STRN3: variants seen among roughly 807,000 people sequenced by gnomAD.
STRN3 encodes striatin-3.
In STRN3, 29 loss-of-function variants were observed where a neutral mutation model predicts 95.6. The ratio of observed to expected loss-of-function variants is 0.30; its 90% CI spans 0.23 to 0.41. The LOEUF (loss-of-function observed/expected upper bound fraction) is 0.41. Among genes scored for constraint, STRN3 ranks in the 10% least tolerant of loss-of-function variants. The pLI is 1.00. For synonymous variants in STRN3, 331 were observed against 357.6 expected, an observed-to-expected ratio of 0.93 and a Z score of 0.84; for missense variants, 890 against 972.1, an observed-to-expected ratio of 0.92 and a Z score of 1.12.
At chr14:31,019,722 GA>G (rs987524736) in intron 1 of STRN3, among the ~76,000 whole-genome samples, 1 of 150,726 alleles carries the variant, frequency 6.6e-6, no homozygotes, top group African/African-American at 2.4e-5. Flanking sequence ...TACCTTTTTT[GA>G]AAAAAAACTA....
chr14:31,011,811 G>C (rs1347003838), intron 1 of STRN3, among the ~76,000 whole-genome samples: 1 of 151,812 alleles, frequency 6.6e-6, no homozygotes, highest in Admixed American at 6.6e-5. Flanking sequence ...TTGAGGCAGT[G>C]GCTAACGGAT....
chr14:30,971,432 T>C (rs1185074121), intron 1 of STRN3, among the ~76,000 whole-genome samples: 1 of 152,172 alleles, frequency 6.6e-6, no homozygotes, highest in African/African-American at 2.4e-5. Flanking sequence ...GCTGCAGGAT[T>C]TGAGTCAATA....
At position 30,955,642 on chromosome 14, in the gene STRN3, C is replaced by T; in HGVS notation, c.438G>A (p.Leu146=). The change falls in exon 3 of 18, where the codon TTG becomes TTA. Residue 146 remains leucine (L), a synonymous_variant. Coordinates refer to ENST00000357479, the MANE Select transcript of STRN3 (RefSeq NM_001083893.2). The stretch of plus-strand genomic sequence containing the variant: ...TACCTGACTCAAAGGTTGGCATTTT[C>T]AAGTCACCTTGGTTCAGTTCCGTGC... The part of the protein sequence containing the change: ...KYGTELNQGD[L]KMPTFESEET... The T allele has an allele frequency of 6.3e-7, 1 of 1,576,050 alleles. No homozygotes were observed. Among genetic ancestry groups the T allele is most frequent in the Non-Finnish European group, 8.6e-7 (1 of 1,168,350 alleles).
At chr14:30,982,305 T>TTTTTATTTATTTTTAG (rs1489488363) in intron 1 of STRN3, among the ~76,000 whole-genome samples, 3 of 151,998 alleles carry the variant, frequency 2.0e-5, no homozygotes, top group Non-Finnish European at 4.4e-5. Flanking sequence ...ATAATAGAGA[T>TTTTTATTTATTTTTAG]ACTCAATTTT....
chr14:30,923,649 A>C (rs568765776), intron 8 of STRN3, among the ~76,000 whole-genome samples: 20 of 152,186 alleles, frequency 1.3e-4, no homozygotes, highest in Non-Finnish European at 2.4e-4. Context: ...CTTTTCAAGA[A>C]AGGAAATGAA....
chr14:30,914,326 C>A (rs930651948), intron 9 of STRN3, among the ~76,000 whole-genome samples: 2 of 152,078 alleles, frequency 1.3e-5, no homozygotes, highest in Non-Finnish European at 2.9e-5. Flanking sequence ...GGTTAATCCA[C>A]GTGGTCTTCA....
chr14:30,906,734 G>A, intron 14 of STRN3, 143 bp downstream of exon 14: 4 of 912,622 alleles, frequency 4.4e-6, no homozygotes, highest in Non-Finnish European at 3.2e-6. Context: ...AAAAAAATGA[G>A]TAAAAAGTTT....
chr14:31,004,892 A>AT (rs1882645411), intron 1 of STRN3, among the ~76,000 whole-genome samples: 1 of 152,214 alleles, frequency 6.6e-6, no homozygotes, highest in African/African-American at 2.4e-5. Flanking sequence ...GGTTAAGGAC[A>AT]TGCCTGGAAG....
At chr14:30,967,413 C>G (rs1880582858) in intron 1 of STRN3, among the ~76,000 whole-genome samples, 1 of 152,164 alleles carries the variant, frequency 6.6e-6, no homozygotes, top group South Asian at 2.1e-4. Flanking sequence ...GTACCCTATT[C>G]CTTTAAGAGC....
At chr14:30,917,777 G>C (rs1043483871) in intron 9 of STRN3, among the ~76,000 whole-genome samples, 1 of 152,076 alleles carries the variant, frequency 6.6e-6, no homozygotes. Context: ...TTATTTAACT[G>C]TAAGGAAACT....
intron 8 of STRN3, among the ~76,000 whole-genome samples, chr14:30,923,333 T>G (rs975416660): frequency 6.6e-6 from 1 of 152,148 alleles, no homozygotes; most frequent in Non-Finnish European, 1.5e-5. Flanking sequence ...AAATAAAAAT[T>G]AGAAAATGAC....
At chr14:31,009,493 C>T (rs1008625452) in intron 1 of STRN3, among the ~76,000 whole-genome samples, 1 of 151,970 alleles carries the variant, frequency 6.6e-6, no homozygotes, top group Non-Finnish European at 1.5e-5. Flanking sequence ...CCCCGCGCCC[C>T]AGTTGAAAAC....
rs549713094 is a variant in STRN3 at position 30,919,834 on chromosome 14, A to C, written c.1100-728T>G. On this transcript the variant is annotated intron_variant, in intron 8 of 17. Coordinates refer to ENST00000357479, the MANE Select transcript of STRN3 (RefSeq NM_001083893.2). ...TGGATAATTCAGGCCAAAATATATA[A>C]AACTCAAAAGCTTCTGTACCATTGT... Among the ~76,000 whole-genome samples the C allele has an allele frequency of 3.3e-5, 5 of 152,286 alleles. No individual in the cohort carries two copies. The South Asian group carries it at 1.0e-3, about 32-fold the overall frequency.
chr14:30,928,025 C>T (rs1031429128), intron 8 of STRN3, among the ~76,000 whole-genome samples: 4 of 150,942 alleles, frequency 2.7e-5, no homozygotes, highest in Admixed American at 2.0e-4. Context: ...TACTTTTATA[C>T]TCAGCATGCT....
chr14:30,981,984 T>A (rs1029175942), intron 1 of STRN3, among the ~76,000 whole-genome samples: 1 of 150,414 alleles, frequency 6.6e-6, no homozygotes, highest in Non-Finnish European at 1.5e-5. Flanking sequence ...TAATCCCAGC[T>A]ACTTGGGAGG....
At chr14:30,953,564 T>C (rs1184621228) in intron 3 of STRN3, among the ~76,000 whole-genome samples, 9 of 152,210 alleles carry the variant, frequency 5.9e-5, no homozygotes, top group Non-Finnish European at 1.5e-5. Context: ...ATGAAAATTC[T>C]TACACAAGCT....
At chr14:30,962,285 G>A (rs1055213724) in intron 1 of STRN3, among the ~76,000 whole-genome samples, 20 of 152,064 alleles carry the variant, frequency 1.3e-4, no homozygotes, top group Non-Finnish European at 2.6e-4. Flanking sequence ...TAAACTAAGT[G>A]TTATTACAAA....
chr14:31,012,966 A>G (rs1020795099), intron 1 of STRN3, among the ~76,000 whole-genome samples: 4 of 152,120 alleles, frequency 2.6e-5, no homozygotes, highest in African/African-American at 7.2e-5. Flanking sequence ...GTGAAATGAA[A>G]AAGTAAAGTA....
At chr14:30,972,345 G>A (rs1158932588) in intron 1 of STRN3, among the ~76,000 whole-genome samples, 2 of 152,086 alleles carry the variant, frequency 1.3e-5, no homozygotes, top group Non-Finnish European at 2.9e-5. Flanking sequence ...TTTAGCCTGT[G>A]CGTCTAACCC....
Sources: allele counts gnomAD v4.1 joint callset (sites outside exome capture counted in the v4.1 genomes callset), GRCh38; gene constraint gnomAD v4.1.1; transcripts MANE v1.5; gene names NCBI Gene and HGNC (gene_info 2026-07-23, HGNC 2026-07-21).